NUP205: variants seen among roughly 807,000 people sequenced by gnomAD.
NUP205 encodes the protein nuclear pore complex protein Nup205.
In NUP205, 76 loss-of-function variants were observed where a neutral mutation model predicts 253.8. The observed-to-expected ratio is 0.30, with a 90% confidence interval of 0.25 to 0.36. The LOEUF (loss-of-function observed/expected upper bound fraction) is 0.36, where lower values mean the gene tolerates loss of function less well. NUP205 is among the 10% of genes least tolerant of loss of function. The pLI is 1.00. For synonymous variants in NUP205, 832 were observed against 850.1 expected (o/e 0.98, Z 0.37); for missense variants, 2,162 against 2,425.5 (o/e 0.89, Z 2.28).
chr7:135,594,393 G>A (rs567598993), intron 12 of NUP205, among the ~76,000 whole-genome samples, 154 bp from the exon 13 acceptor site: 12 of 152,022 alleles, frequency 7.9e-5, no homozygotes, highest in Non-Finnish European at 1.5e-4. Flanking sequence ...TGATGTGTTG[G>A]TAGACTTCAA....
intron 35 of NUP205, among the ~76,000 whole-genome samples, chr7:135,634,895 G>A (rs1794779597): frequency 6.6e-6 from 1 of 152,168 alleles, no homozygotes. Context: ...GTCTATGCTT[G>A]GAAGTGAGTA....
chr7:135,631,718 A>C (rs984002377), intron 35 of NUP205, among the ~76,000 whole-genome samples: 1 of 146,006 alleles, frequency 6.8e-6, no homozygotes. Flanking sequence ...CTTTTGATTT[A>C]TCTCTTGGTA....
chr7:135,631,074 T>C (rs1447067093), intron 35 of NUP205, among the ~76,000 whole-genome samples: 2 of 150,946 alleles, frequency 1.3e-5, no homozygotes, highest in Non-Finnish European at 1.5e-5. Flanking sequence ...TGTACGTACA[T>C]ATGAGAAAGG....
chr7:135,637,721 T>C (rs1329380449), intron 36 of NUP205, among the ~76,000 whole-genome samples: 3 of 152,180 alleles, frequency 2.0e-5, no homozygotes, highest in Admixed American at 2.0e-4. Flanking sequence ...AAAAAAAGGG[T>C]ACTCTTTTCA....
At chr7:135,574,407 T>G (rs927680849) in intron 3 of NUP205, among the ~76,000 whole-genome samples, 2 of 152,108 alleles carry the variant, frequency 1.3e-5, no homozygotes, top group African/African-American at 4.8e-5. Flanking sequence ...AGTGCAACTC[T>G]AAGTAGGATC....
chr7:135,583,435 C>T (rs1806365170), intron 7 of NUP205, among the ~76,000 whole-genome samples: 1 of 152,092 alleles, frequency 6.6e-6, no homozygotes, highest in African/African-American at 2.4e-5. Flanking sequence ...CTAGATCAAG[C>T]CACTGCACCC....
rs199668430 is a variant in NUP205, at chr7:135,565,436, A to AT, written c.29-5656dup. Among the ~76,000 whole-genome samples the AT allele has an allele frequency of 2.2e-3, 296 of 134,752 alleles. 1 individual carries two copies. The highest frequency in any genetic ancestry group is 4.3e-3 in the East Asian group (20 of 4,626). The allele number at this position is 134,752 out of a possible 152,430, so 88.4% of individuals were successfully genotyped here. A position where few individuals can be genotyped will look rare whatever the true frequency, so the allele number is the denominator to read the frequency against. On this transcript the variant is annotated intron_variant, in intron 1 of 42. Coordinates refer to ENST00000285968, the MANE Select transcript of NUP205 (RefSeq NM_015135.3). ...ATCCTAGTTTAGGTTCCATTTTCTT[A>AT]TTTTTTTTTTTTTGAGATGGAGTTT...
At chr7:135,625,747 T>C (rs1794576285) in intron 32 of NUP205, among the ~76,000 whole-genome samples, 1 of 152,246 alleles carries the variant, frequency 6.6e-6, no homozygotes, top group African/African-American at 2.4e-5. Flanking sequence ...ATATAATTCA[T>C]TGTTTCTTTG....
chr7:135,605,185 C>A (rs1399283605), intron 19 of NUP205, among the ~76,000 whole-genome samples: 3 of 152,066 alleles, frequency 2.0e-5, no homozygotes, highest in Non-Finnish European at 2.9e-5. Context: ...CCACCACGCC[C>A]AGCTAGTTTT....
At chr7:135,643,448 A>G (rs1335057590) in intron 39 of NUP205, 90 bp downstream of exon 39, 2 of 925,756 alleles carry the variant, frequency 2.2e-6, no homozygotes, top group East Asian at 2.6e-5. Context: ...CAACGTATAC[A>G]GTATGACTGA....
rs528875544 is a variant in NUP205, at chr7:135,576,266, T to C, written c.344-4T>C. On this transcript the variant is annotated splice_region_variant and splice_polypyrimidine_tract_variant and intron_variant, in intron 3 of 42. Coordinates refer to ENST00000285968, the MANE Select transcript of NUP205 (RefSeq NM_015135.3). ...CAATATTATTTCTCAACTTCCTTTTTTAGGAGAGCATCAACAGCCACATTT... is the reference window on the plus strand; with the variant it reads ...CAATATTATTTCTCAACTTCCTTTTCTAGGAGAGCATCAACAGCCACATTT... 2 of 1,611,524 alleles carry C rather than the reference T, an allele frequency of 1.2e-6. No individual in the cohort carries two copies. The highest frequency in any genetic ancestry group is 2.7e-5 in the African/African-American group (2 of 74,916).
At chr7:135,627,429 T>C (rs997870109) in intron 33 of NUP205, among the ~76,000 whole-genome samples, 12 of 152,290 alleles carry the variant, frequency 7.9e-5, no homozygotes, top group African/African-American at 1.7e-4. Context: ...GAAATGCCCA[T>C]TGGAGCAATT....
intron 7 of NUP205, 34 bp downstream of exon 7, chr7:135,578,949 A>C: frequency 6.5e-7 from 1 of 1,542,618 alleles, no homozygotes; most frequent in East Asian, 2.3e-5. Context: ...GTTATGAGAA[A>C]CAGCATGTTA....
intron 7 of NUP205, among the ~76,000 whole-genome samples, chr7:135,583,065 C>T (rs895888060): frequency 3.3e-5 from 5 of 151,464 alleles, no homozygotes; most frequent in African/African-American, 7.3e-5. Context: ...ACTCCAGTCT[C>T]GGCGACAGAG....
intron 1 of NUP205, among the ~76,000 whole-genome samples, chr7:135,559,630 C>T (rs1805525166): frequency 6.6e-6 from 1 of 151,686 alleles, no homozygotes; most frequent in African/African-American, 2.4e-5. Flanking sequence ...CTCGGCCTCC[C>T]AAAGTGGTAG....
chr7:135,622,670 C>T (rs549526540), intron 30 of NUP205, 107 bp from the exon 31 acceptor site: 19 of 961,810 alleles, frequency 2.0e-5, no homozygotes, highest in East Asian at 1.0e-4. Flanking sequence ...TTTTTTGTTG[C>T]GTTTTTTTTT....
At chr7:135,579,755 C>T (rs936142473) in intron 7 of NUP205, among the ~76,000 whole-genome samples, 1 of 152,122 alleles carries the variant, frequency 6.6e-6, no homozygotes, top group African/African-American at 2.4e-5. Context: ...AAGTGATTCT[C>T]CTGCCTCAGC....
chr7:135,642,887 T>C (rs79009087), intron 38 of NUP205, among the ~76,000 whole-genome samples: 1 of 149,444 alleles, frequency 6.7e-6, no homozygotes, highest in African/African-American at 2.5e-5. Context: ...TGTGTAAGGT[T>C]TATACTTTGA....
At chr7:135,568,698 T>C (rs1805855219) in intron 1 of NUP205, among the ~76,000 whole-genome samples, 1 of 152,174 alleles carries the variant, frequency 6.6e-6, no homozygotes, top group African/African-American at 2.4e-5. Context: ...AAATGTGAAA[T>C]ATTTCTTACT....
Sources: allele counts gnomAD v4.1 joint callset (sites outside exome capture counted in the v4.1 genomes callset), GRCh38; gene constraint gnomAD v4.1.1; transcripts MANE v1.5; gene names NCBI Gene and HGNC (gene_info 2026-07-23, HGNC 2026-07-21).